The following COL23A1 variants were observed in gnomAD, a reference collection of about 807,000 sequenced individuals.
The protein encoded by COL23A1 is collagen alpha-1(XXIII) chain.
A neutral mutation model predicts 99.3 loss-of-function variants in COL23A1; 97 were observed. The ratio of observed to expected loss-of-function variants is 0.98; its 90% CI spans 0.83 to 1.16. COL23A1 has a LOEUF of 1.16. Ranked by LOEUF, COL23A1 falls within the 50% of genes most tolerant of loss-of-function variation. The pLI is 0.00. For missense variants in COL23A1, 762 were observed against 757.4 expected (o/e 1.01, Z -0.07); for synonymous variants, 320 against 308.2 (o/e 1.04, Z -0.40).
At chr5:178,322,085 T>C (rs1237032798) in intron 2 of COL23A1, among the ~76,000 whole-genome samples, 2 of 151,556 alleles carry the variant, frequency 1.3e-5, no homozygotes, top group African/African-American at 4.8e-5. Context: ...CTCCGCCTCC[T>C]GAGTTCAAGC....
At chr5:178,246,125 C>T in intron 24 of COL23A1, 129 bp downstream of exon 24, 2 of 1,325,500 alleles carry the variant, frequency 1.5e-6, no homozygotes, top group Admixed American at 3.8e-5. Flanking sequence ...ACCTGGCATC[C>T]ACAGAGCCTG....
chr5:178,256,769 A>C, intron 14 of COL23A1, 97 bp downstream of exon 14: 2 of 1,250,554 alleles, frequency 1.6e-6, no homozygotes, highest in Non-Finnish European at 2.2e-6. Context: ...TGGGACTTAA[A>C]AGGGCAAATG....
chr5:178,316,816 T>A (rs1272280206), intron 2 of COL23A1, among the ~76,000 whole-genome samples: 1 of 151,768 alleles, frequency 6.6e-6, no homozygotes, highest in African/African-American at 2.4e-5. Context: ...TTCAAGGTAG[T>A]GGACTGCAAC....
intron 2 of COL23A1, among the ~76,000 whole-genome samples, chr5:178,375,926 C>T (rs1187540346): frequency 1.3e-5 from 2 of 152,184 alleles, no homozygotes; most frequent in African/African-American, 4.8e-5. Flanking sequence ...CAGCTGGTCT[C>T]GAACTACTGA....
intron 2 of COL23A1, among the ~76,000 whole-genome samples, chr5:178,498,400 GA>G (rs1398275347): frequency 4.6e-5 from 7 of 150,556 alleles, no homozygotes; most frequent in Non-Finnish European, 8.9e-5. Flanking sequence ...TCCGAGTGTT[GA>G]AAAAAAAGTA....
chr5:178,336,596 T>C (rs1347659692), intron 2 of COL23A1, among the ~76,000 whole-genome samples: 1 of 152,176 alleles, frequency 6.6e-6, no homozygotes, highest in African/African-American at 2.4e-5. Flanking sequence ...AGCCACTGCT[T>C]ACAGGGGAGG....
intron 2 of COL23A1, among the ~76,000 whole-genome samples, chr5:178,396,845 C>A (rs1202332359): frequency 6.6e-6 from 1 of 151,902 alleles, no homozygotes; most frequent in African/African-American, 2.4e-5. Context: ...CTCCGAGAGT[C>A]TCTCCCCGGC....
chr5:178,401,621 T>C (rs1024345391), intron 2 of COL23A1, among the ~76,000 whole-genome samples: 2 of 152,368 alleles, frequency 1.3e-5, no homozygotes, highest in East Asian at 3.9e-4. Context: ...CTATAAACAT[T>C]TGCATACAGG....
At chr5:178,398,936 C>T (rs540814758) in intron 2 of COL23A1, among the ~76,000 whole-genome samples, 8 of 152,208 alleles carry the variant, frequency 5.3e-5, no homozygotes, top group African/African-American at 1.7e-4. Context: ...CCCCACCAGG[C>T]GCTGGTAAAC....
At chr5:178,354,003 T>A (rs968146513) in intron 2 of COL23A1, among the ~76,000 whole-genome samples, 1 of 151,490 alleles carries the variant, frequency 6.6e-6, no homozygotes, top group Admixed American at 6.6e-5. Flanking sequence ...GATTTACATA[T>A]GTGTTTGTTT....
chr5:178,563,618 A>G (rs555876307), intron 1 of COL23A1, among the ~76,000 whole-genome samples: 7 of 145,818 alleles, frequency 4.8e-5, no homozygotes, highest in African/African-American at 1.8e-4. Context: ...TGCAGCCTCA[A>G]CCTCTCAGGC....
At chr5:178,396,764 C>T (rs1354497015) in intron 2 of COL23A1, among the ~76,000 whole-genome samples, 1 of 84,690 alleles carries the variant, frequency 1.2e-5, no homozygotes, top group Non-Finnish European at 2.6e-5. Context: ...AGTCTCTCCC[C>T]GGCGGGCAGG....
chr5:178,322,150 G>T (rs578216375), intron 2 of COL23A1, among the ~76,000 whole-genome samples: 1 of 152,084 alleles, frequency 6.6e-6, no homozygotes, highest in East Asian at 1.9e-4. Context: ...CCGCCAGCAC[G>T]CCCAGTTAAT....
At chr5:178,551,955 C>G (rs570308918) in intron 2 of COL23A1, among the ~76,000 whole-genome samples, 1 of 152,164 alleles carries the variant, frequency 6.6e-6, no homozygotes, top group African/African-American at 2.4e-5. Flanking sequence ...GAGTTCCCAC[C>G]GGTGCTCGGA....
chr5:178,266,641 C>T (rs536754540), intron 8 of COL23A1, among the ~76,000 whole-genome samples: 1 of 152,298 alleles, frequency 6.6e-6, no homozygotes, highest in Admixed American at 6.5e-5. Context: ...GACTGCAGAA[C>T]AATCTCACCA....
intron 2 of COL23A1, among the ~76,000 whole-genome samples, chr5:178,369,203 T>C (rs1317882805): frequency 6.6e-6 from 1 of 152,144 alleles, no homozygotes; most frequent in African/African-American, 2.4e-5. Flanking sequence ...GTGTATCTTG[T>C]CCTGTCCAGG....
chr5:178,480,556 G>GA (rs1480423614), intron 2 of COL23A1, among the ~76,000 whole-genome samples: 1 of 152,196 alleles, frequency 6.6e-6, no homozygotes, highest in Non-Finnish European at 1.5e-5. Context: ...ATTAACAATT[G>GA]AAAATGACCC....
chr5:178,458,320 T>C lies in COL23A1; in HGVS notation c.361+102362A>G, dbSNP rs190837807. Among the ~76,000 whole-genome samples, 556 of 151,820 alleles carry C rather than the reference T, an allele frequency of 3.7e-3. 2 individuals are homozygous for C. The highest frequency in any genetic ancestry group is 6.8e-3 in the Middle Eastern group (2 of 294). The stretch of plus-strand genomic sequence containing the variant: ...CAGGGGGCGGGGGTGCAGTTCTCTT[T>C]GTAGAAGTATTCCAGATAATAAAGA... On this transcript the variant is annotated intron_variant, in intron 2 of 28. Coordinates refer to ENST00000390654, the MANE Select transcript of COL23A1 (RefSeq NM_173465.4).
intron 24 of COL23A1, 62 bp downstream of exon 24, chr5:178,246,192 G>C: frequency 6.5e-7 from 1 of 1,528,574 alleles, no homozygotes; most frequent in South Asian, 1.2e-5. Context: ...GGGTCCCCGG[G>C]CTGAGCGCCA....
Sources: allele counts gnomAD v4.1 joint callset (sites outside exome capture counted in the v4.1 genomes callset), GRCh38; gene constraint gnomAD v4.1.1; transcripts MANE v1.5; gene names NCBI Gene and HGNC (gene_info 2026-07-23, HGNC 2026-07-21).